Variants in SELENON observed in about 807,000 individuals in gnomAD.
The protein encoded by SELENON is selenoprotein N, 1.
A neutral mutation model predicts 59.5 loss-of-function variants in SELENON; 44 were observed. The observed-to-expected ratio is 0.74, with a 90% CI of 0.58 to 0.95. The LOEUF (loss-of-function observed/expected upper bound fraction) is 0.95, where lower values mean the gene tolerates loss of function less well. SELENON is among the 40% of genes least tolerant of loss of function. The pLI is 0.00. For synonymous variants in SELENON, 320 were observed against 305.6 expected, an observed-to-expected ratio of 1.05 and a Z score of -0.49; for missense variants, 674 against 721.4, an observed-to-expected ratio of 0.93 and a Z score of 0.75.
In SELENON at chr1:25,809,184, G is replaced by A. The variant is rs376759345; in HGVS notation, c.872+34G>A. On this transcript the variant is annotated intron_variant, in intron 6 of 12. Transcript: ENST00000361547. ...GCCACACTGGCTGGCCTGGAGCACC[G>A]GGGAGGCATGACGGTACAGCGCCCA... 5.8e-5 allele frequency: 93 copies of A among 1,612,676 alleles called. 1 individual carries two copies. The highest frequency in any genetic ancestry group is 5.6e-4 in the African/African-American group (42 of 74,924).
At position 25,815,885 on chromosome 1, in the gene SELENON, C is replaced by T. The variant is rs1481930445; in HGVS notation, c.*167C>T. 12 of 667,988 alleles carry T rather than the reference C, an allele frequency of 1.8e-5. No homozygotes were observed. Among genetic ancestry groups the T allele is most frequent in the South Asian group, 3.7e-5 (2 of 54,232 alleles). 41.4% of individuals were successfully genotyped at this position (667,988 alleles called of 1,614,324 possible). ...CACCACAGCCTTGGCTCCATGGTGG[C>T]GGGTAGACAAGGGATGCCTGGGCTG... On this transcript the variant is annotated 3_prime_UTR_variant, in exon 13 of 13. Coordinates refer to ENST00000361547, the MANE Select transcript of SELENON (RefSeq NM_020451.3).
intron 2 of SELENON, 144 bp downstream of exon 2, chr1:25,801,304 G>A (rs1303157724): frequency 4.2e-6 from 3 of 709,152 alleles, no homozygotes; most frequent in Non-Finnish European, 2.6e-6. Flanking sequence ...CTTTGTAGCT[G>A]GTGGCTTGGG....
intron 4 of SELENON, among the ~76,000 whole-genome samples, chr1:25,805,962 C>T (rs574346158): frequency 6.6e-6 from 1 of 152,364 alleles, no homozygotes; most frequent in South Asian, 2.1e-4. Context: ...CTGTGGGCTT[C>T]CTCTGTTCCA....
At chr1:25,814,242 G>T in intron 12 of SELENON, 64 bp downstream of exon 11, 1 of 1,238,012 alleles carries the variant, frequency 8.1e-7, no homozygotes. Flanking sequence ...GCAACCAGCA[G>T]GAGGCGTGGA....
intron 4 of SELENON, among the ~76,000 whole-genome samples, chr1:25,806,754 G>A (rs376919883): frequency 6.6e-6 from 1 of 152,110 alleles, no homozygotes; most frequent in East Asian, 1.9e-4. Flanking sequence ...TGACCTTGAG[G>A]CTGGCACCTG....
At chr1:25,805,642 A>AC (rs1402835200) in intron 4 of SELENON, among the ~76,000 whole-genome samples, 1 of 143,702 alleles carries the variant, frequency 7.0e-6, no homozygotes, top group African/African-American at 3.0e-5. Context: ...TATGATGATT[A>AC]TTTCCCACAC....
chr1:25,810,643 G>A (rs1338076688), intron 7 of SELENON, among the ~76,000 whole-genome samples: 1 of 152,214 alleles, frequency 6.6e-6, no homozygotes, highest in Non-Finnish European at 1.5e-5. Context: ...TTCACCCACA[G>A]GGCAGGCGTG....
intron 3 of SELENON, among the ~76,000 whole-genome samples, 171 bp from the exon 3 acceptor site, chr1:25,804,971 C>T (rs2047892969): frequency 1.3e-5 from 2 of 152,114 alleles, no homozygotes; most frequent in Non-Finnish European, 2.9e-5. Flanking sequence ...CCTCCCTGGG[C>T]TATCCTGAAA....
In SELENON at chr1:25,813,028, G is replaced by A. The variant is rs374818897; in HGVS notation, c.1387+236G>A. On this transcript the variant is annotated intron_variant, in intron 10 of 12. Coordinates refer to ENST00000361547, the MANE Select transcript of SELENON (RefSeq NM_020451.3). ...GTTCAAACTCAGCCATTGTCAGCTTGGTAACCTTGACCAAGTGTCTTCCCC... is the reference window on the plus strand; with the variant it reads ...GTTCAAACTCAGCCATTGTCAGCTTAGTAACCTTGACCAAGTGTCTTCCCC... Among the ~76,000 whole-genome samples the A allele has an allele frequency of 3.3e-5, 5 of 152,268 alleles. No individual in the cohort carries two copies. In the South Asian group the frequency reaches 1.0e-3, roughly 32 times the overall value.
intron 4 of SELENON, 36 bp downstream of exon 3, chr1:25,805,311 G>A (rs765212948): frequency 1.9e-6 from 3 of 1,613,550 alleles, no homozygotes; most frequent in South Asian, 1.1e-5. Flanking sequence ...GGTCATCTGT[G>A]TGTATCCCGA....
At chr1:25,812,564 AACACACACACACACACAC>A (rs59333545) in intron 9 of SELENON, 105 bp from the exon 9 acceptor site, 82 of 574,504 alleles carry the variant, frequency 1.4e-4, no homozygotes, top group African/African-American at 5.1e-4. Context: ...CCTACACACA[AACACACACACACACACAC>A]ACACACACAC....
chr1:25,814,032 A>G, intron 11 of SELENON, 39 bp downstream of exon 10: 4 of 1,610,516 alleles, frequency 2.5e-6, no homozygotes, highest in Non-Finnish European at 2.5e-6. Flanking sequence ...CGTCCGGAAC[A>G]GTGGTGGGGG....
intron 1 of SELENON, 147 bp from the exon 2 acceptor site, chr1:25,800,896 G>C: frequency 1.3e-6 from 1 of 769,294 alleles, no homozygotes; most frequent in Middle Eastern, 3.0e-4. Context: ...CAGTTCAGAG[G>C]CAACATTTGC....
chr1:25,805,394 T>A, intron 4 of SELENON, 119 bp downstream of exon 3: 1 of 1,397,678 alleles, frequency 7.2e-7, no homozygotes, highest in Non-Finnish European at 1.0e-6. Flanking sequence ...GCCCTGGAGG[T>A]CCATGTGCGG....
chr1:25,814,341 G>A lies in SELENON; in HGVS notation c.1602+163G>A, dbSNP rs376114763. On this transcript the variant is annotated intron_variant, in intron 12 of 12. Transcript: ENST00000361547. ...GGTCTCTTACCCAGTCTAAGCCTCC[G>A]TTGTCCCCGTGTAGAAACAGGAATC... Among the ~76,000 whole-genome samples, 149 of 152,356 alleles carry A rather than the reference G, an allele frequency of 9.8e-4. 1 individual carries two copies. Among genetic ancestry groups the A allele is most frequent in the African/African-American group, 3.0e-3 (126 of 41,580 alleles).
chr1:25,813,343 C>T (rs573191872), intron 10 of SELENON, among the ~76,000 whole-genome samples: 4 of 152,264 alleles, frequency 2.6e-5, no homozygotes, highest in African/African-American at 9.6e-5. Context: ...GCTTGCGTCC[C>T]ACAGTGAGGA....
At chr1:25,805,821 G>A (rs1429996019) in intron 4 of SELENON, among the ~76,000 whole-genome samples, 3 of 152,136 alleles carry the variant, frequency 2.0e-5, no homozygotes, top group Admixed American at 6.5e-5. Flanking sequence ...GGTAGGAGGT[G>A]GACAGATGCT....
chr1:25,811,355 C>T, intron 7 of SELENON, 99 bp from the exon 7 acceptor site: 1 of 1,078,648 alleles, frequency 9.3e-7, no homozygotes, highest in Non-Finnish European at 1.4e-6. Flanking sequence ...TCAGTGTCCT[C>T]ATCTGGAAAG....
Position 25,809,064 on chromosome 1 carries a change from G to A in SELENON, c.786G>A (p.Arg262=). The A allele has an allele frequency of 6.2e-7, 1 of 1,613,794 alleles. No homozygotes were observed. Among genetic ancestry groups the A allele is most frequent in the Non-Finnish European group, 8.5e-7 (1 of 1,180,032 alleles). Residue 262 remains arginine (R), a synonymous_variant, in exon 6 of 13, where the codon CGG becomes CGA. Transcript: ENST00000361547. ...GGCTCCTGAGCATGTTCCACCCTCG[G>A]CCCTTTGTGAAGACCCGCTTTGCCC...
Sources: gnomAD v4.1 joint callset for allele counts (sites outside exome capture counted in the v4.1 genomes callset) on GRCh38, gnomAD v4.1.1 for gene constraint, MANE v1.5 for transcripts, NCBI Gene and HGNC (gene_info 2026-07-23, HGNC 2026-07-21) for gene names.